The following ERI3 variants were observed in gnomAD, a reference collection of about 807,000 sequenced individuals.
ERI3 encodes the protein ERI1 exoribonuclease family member 3, also known as ERI1 exoribonuclease 3.
Under a neutral mutation model 44.4 loss-of-function variants are expected in ERI3, and 18 were observed. The ratio of observed to expected loss-of-function variants is 0.41; its 90% CI spans 0.28 to 0.60. The LOEUF is 0.60. Among genes scored for constraint, ERI3 ranks in the 20% least tolerant of loss-of-function variants. The probability of loss-of-function intolerance (pLI) is 0.36; values close to 1 mark genes in which losing one functional copy is unlikely to be tolerated. For synonymous variants in ERI3, 183 were observed against 164.8 expected, an observed-to-expected ratio of 1.11 and a Z score of -0.84; for missense variants, 294 against 435.5, an observed-to-expected ratio of 0.68 and a Z score of 2.89.
At chr1:44,345,666 C>G (rs1023763161) in intron 2 of ERI3, among the ~76,000 whole-genome samples, 69 of 152,208 alleles carry the variant, frequency 4.5e-4, no homozygotes, top group African/African-American at 1.6e-3. Flanking sequence ...CTAAAAATAG[C>G]CTGGGAAAAA....
chr1:44,314,483 G>A (rs951718822), intron 4 of ERI3, among the ~76,000 whole-genome samples: 30 of 152,124 alleles, frequency 2.0e-4, no homozygotes, highest in Non-Finnish European at 7.4e-5. Flanking sequence ...ACTTCCCATG[G>A]TCTAAAAGGA....
intron 3 of ERI3, among the ~76,000 whole-genome samples, chr1:44,334,573 G>A (rs570744334): frequency 6.6e-6 from 1 of 152,190 alleles, no homozygotes; most frequent in East Asian, 1.9e-4. Context: ...ACATTTAAGT[G>A]AAAAAAGTGT....
At chr1:44,338,092 C>T (rs985985298) in intron 3 of ERI3, among the ~76,000 whole-genome samples, 5 of 152,152 alleles carry the variant, frequency 3.3e-5, no homozygotes, top group Admixed American at 1.3e-4. Flanking sequence ...AACTTAAAAG[C>T]TAAAAGGTCT....
intron 8 of ERI3, among the ~76,000 whole-genome samples, chr1:44,229,932 TC>T (rs1302270930): frequency 6.6e-6 from 1 of 151,846 alleles, no homozygotes; most frequent in Non-Finnish European, 1.5e-5. Flanking sequence ...CACATCCATG[TC>T]CCCACAGCCA....
intron 7 of ERI3, among the ~76,000 whole-genome samples, chr1:44,278,023 TTAA>T (rs1645212851): frequency 6.6e-6 from 1 of 152,172 alleles, no homozygotes; most frequent in African/African-American, 2.4e-5. Context: ...CAAAATTATT[TTAA>T]TAATATATTT....
intron 3 of ERI3, among the ~76,000 whole-genome samples, chr1:44,321,071 T>C (rs756679573): frequency 6.6e-6 from 1 of 152,032 alleles, no homozygotes; most frequent in African/African-American, 2.4e-5. Flanking sequence ...ACTTAGGAAA[T>C]TGATGGGTGG....
chr1:44,307,556 G>A (rs1320120964), intron 6 of ERI3, among the ~76,000 whole-genome samples: 1 of 152,182 alleles, frequency 6.6e-6, no homozygotes, highest in Non-Finnish European at 1.5e-5. Flanking sequence ...TTCCCTGGGG[G>A]CCATCTGAAG....
intron 2 of ERI3, among the ~76,000 whole-genome samples, chr1:44,342,858 T>TAAATATATATATATATATA (rs1408660607): frequency 1.8e-4 from 2 of 11,368 alleles, no homozygotes; most frequent in South Asian, 4.2e-3. Flanking sequence ...TATATATATA[T>TAAATATATATATATATATA]TTTTTTTTTT....
intron 8 of ERI3, among the ~76,000 whole-genome samples, chr1:44,226,560 G>T (rs979571831): frequency 6.6e-5 from 10 of 152,066 alleles, no homozygotes; most frequent in African/African-American, 9.7e-5. Flanking sequence ...GGAGGTAAGA[G>T]AATTTTTAGG....
intron 8 of ERI3, among the ~76,000 whole-genome samples, chr1:44,230,961 AC>A (rs1644169589): frequency 6.6e-6 from 1 of 152,208 alleles, no homozygotes; most frequent in Admixed American, 6.5e-5. Context: ...GTGCTTGGAG[AC>A]CAGGAGTGTT....
At chr1:44,255,376 T>A (rs1644760335) in intron 7 of ERI3, among the ~76,000 whole-genome samples, 1 of 152,204 alleles carries the variant, frequency 6.6e-6, no homozygotes, top group Non-Finnish European at 1.5e-5. Context: ...TTCTTGACAC[T>A]CTACTCAGTT....
intron 3 of ERI3, among the ~76,000 whole-genome samples, chr1:44,320,807 T>C (rs907908370): frequency 8.6e-5 from 13 of 150,696 alleles, no homozygotes; most frequent in African/African-American, 3.2e-4. Context: ...AAGAGACAAA[T>C]AGGAAATAAT....
chr1:44,332,295 T>C (rs748944008), intron 3 of ERI3, among the ~76,000 whole-genome samples: 4 of 152,092 alleles, frequency 2.6e-5, no homozygotes, highest in Non-Finnish European at 5.9e-5. Flanking sequence ...CTTAGCCCAG[T>C]GCCCAAAAAA....
intron 7 of ERI3, among the ~76,000 whole-genome samples, chr1:44,259,951 T>C (rs1320209879): frequency 1.5e-5 from 2 of 133,720 alleles, no homozygotes; most frequent in Non-Finnish European, 3.1e-5. Flanking sequence ...AGACAGACAG[T>C]AGTTCCTTTG....
At chr1:44,310,963 G>GCGCGCGCGCACACACACA (rs1373873768) in intron 5 of ERI3, among the ~76,000 whole-genome samples, 1 of 123,202 alleles carries the variant, frequency 8.1e-6, no homozygotes, top group Non-Finnish European at 1.7e-5. Context: ...GCGCGCGCGC[G>GCGCGCGCGCACACACACA]CACACACACA....
intron 8 of ERI3, among the ~76,000 whole-genome samples, chr1:44,239,504 G>C (rs1270786611): frequency 6.6e-6 from 1 of 152,184 alleles, no homozygotes; most frequent in Non-Finnish European, 1.5e-5. Context: ...ATGGCCCCTA[G>C]AGCCCAGAGT....
chr1:44,283,537 T>G (rs773039343), intron 7 of ERI3, among the ~76,000 whole-genome samples: 1 of 152,118 alleles, frequency 6.6e-6, no homozygotes, highest in South Asian at 2.1e-4. Context: ...AGGCAAGCCA[T>G]AGAGCAAGGC....
intron 6 of ERI3, among the ~76,000 whole-genome samples, chr1:44,290,477 G>T (rs532502960): frequency 6.6e-6 from 1 of 152,148 alleles, no homozygotes; most frequent in East Asian, 1.9e-4. Context: ...TGTCCCTAGC[G>T]GCCCTGCAGC....
At chr1:44,350,388 A>G (rs1646864880) in intron 2 of ERI3, among the ~76,000 whole-genome samples, 1 of 152,038 alleles carries the variant, frequency 6.6e-6, no homozygotes, top group Admixed American at 6.6e-5. Context: ...CAGCCTCCCA[A>G]GTAGCTGGGA....
Sources: allele counts gnomAD v4.1 joint callset (sites outside exome capture counted in the v4.1 genomes callset), GRCh38; gene constraint gnomAD v4.1.1; transcripts MANE v1.5; gene names NCBI Gene and HGNC (gene_info 2026-07-23, HGNC 2026-07-21).